Variants in RASSF3 observed in about 807,000 individuals in gnomAD.
The protein encoded by RASSF3 is ras association domain-containing protein 3.
RASSF3 carries 19 observed loss-of-function variants against 19.9 expected under a neutral mutation model. The ratio of observed to expected loss-of-function variants is 0.96; its 90% CI spans 0.67 to 1.40. RASSF3 has a LOEUF of 1.40. RASSF3 is among the 40% of genes most tolerant of loss of function. The pLI, the probability that RASSF3 is intolerant of heterozygous loss-of-function variation, is 0.00. For synonymous variants in RASSF3, 110 were observed against 104.2 expected, an observed-to-expected ratio of 1.06 and a Z score of -0.34; for missense variants, 306 against 289.8, an observed-to-expected ratio of 1.06 and a Z score of -0.41.
chr12:64,652,253 T>G (rs190858528), intron 1 of RASSF3, among the ~76,000 whole-genome samples: 1 of 152,342 alleles, frequency 6.6e-6, no homozygotes, highest in East Asian at 1.9e-4. Context: ...TAATAGATAT[T>G]ATACTTAATT....
chr12:64,657,100 A>G lies in RASSF3; in HGVS notation c.112-27687A>G, dbSNP rs58815475. On this transcript the variant is annotated intron_variant, in intron 1 of 4. Coordinates refer to ENST00000542104, the MANE Select transcript of RASSF3 (RefSeq NM_178169.4). ...TCTTGGCTCACTACAGCCTCCATCA[A>G]CCAGGTTCAAGCGATTTTCTCCTGC... Among the ~76,000 whole-genome samples the G allele has an allele frequency of 7.0e-3, 1,058 of 151,510 alleles. 15 individuals carry two copies. The highest frequency in any genetic ancestry group is 0.025 in the African/African-American group (1,018 of 41,292).
intron 2 of RASSF3, among the ~76,000 whole-genome samples, chr12:64,599,860 G>T (rs375005663): frequency 6.6e-6 from 1 of 151,750 alleles, no homozygotes. Context: ...GTGAAACCCC[G>T]TCTCTACTAA....
At chr12:64,672,920 G>C (rs923445850) in intron 1 of RASSF3, among the ~76,000 whole-genome samples, 2 of 152,196 alleles carry the variant, frequency 1.3e-5, no homozygotes, top group African/African-American at 4.8e-5. Context: ...CTCTGCCCTT[G>C]ATGTTCAGAT....
intron 4 of RASSF3, among the ~76,000 whole-genome samples, chr12:64,692,375 C>G (rs2136225685): frequency 6.6e-6 from 1 of 152,316 alleles, no homozygotes; most frequent in African/African-American, 2.4e-5. Flanking sequence ...GTCTTCTAAT[C>G]TTTTAGCCCT....
upstream of RASSF3, among the ~76,000 whole-genome samples, chr12:64,530,120 C>T (rs1868675486): frequency 6.6e-6 from 1 of 152,144 alleles, no homozygotes; most frequent in Non-Finnish European, 1.5e-5. Context: ...TCCCTCTCAC[C>T]TCTAAGTAAC....
intron 2 of RASSF3, among the ~76,000 whole-genome samples, chr12:64,596,856 A>G (rs547806037): frequency 2.6e-5 from 4 of 152,144 alleles, no homozygotes; most frequent in Admixed American, 1.3e-4. Context: ...CAGCCTCCCA[A>G]GTAGCTGGGA....
chr12:64,534,510 TAATAA>T (rs764867312), intron 1 of RASSF3, among the ~76,000 whole-genome samples: 8 of 152,010 alleles, frequency 5.3e-5, no homozygotes, highest in South Asian at 2.1e-4. Flanking sequence ...TAAAATAGAA[TAATAA>T]AATAAATCAA....
At chr12:64,583,691 T>C (rs555719989) in intron 2 of RASSF3, among the ~76,000 whole-genome samples, 1 of 152,240 alleles carries the variant, frequency 6.6e-6, no homozygotes, top group Non-Finnish European at 1.5e-5. Context: ...CAGGCACACA[T>C]TGCAACCTCT....
At chr12:64,585,663 G>T (rs889511972) in intron 2 of RASSF3, among the ~76,000 whole-genome samples, 2 of 149,056 alleles carry the variant, frequency 1.3e-5, no homozygotes, top group African/African-American at 5.0e-5. Context: ...GCAGTGCAGT[G>T]GCATAATCAC....
upstream of RASSF3, among the ~76,000 whole-genome samples, chr12:64,530,195 GATATA>G (rs1868677290): frequency 6.6e-6 from 1 of 152,088 alleles, no homozygotes; most frequent in African/African-American, 2.4e-5. Flanking sequence ...TAAATGGAAT[GATATA>G]ATATATATTC....
chr12:64,617,099 G>A (rs1870579240), intron 1 of RASSF3, among the ~76,000 whole-genome samples: 1 of 152,180 alleles, frequency 6.6e-6, no homozygotes, highest in Non-Finnish European at 1.5e-5. Flanking sequence ...GGATGTCCCA[G>A]TATTTGGTAC....
intron 1 of RASSF3, among the ~76,000 whole-genome samples, chr12:64,667,672 T>C (rs1190147765): frequency 6.6e-6 from 1 of 152,198 alleles, no homozygotes; most frequent in East Asian, 1.9e-4. Context: ...AGTAAGGTGG[T>C]CTTCAATTCA....
intron 2 of RASSF3, among the ~76,000 whole-genome samples, chr12:64,592,804 T>TTTTTA (rs1380627307): frequency 1.3e-5 from 2 of 152,018 alleles, no homozygotes; most frequent in Non-Finnish European, 2.9e-5. Context: ...GCCTGGCTAA[T>TTTTTA]TTTTATTTTA....
chr12:64,658,675 C>T (rs751842341), intron 1 of RASSF3, among the ~76,000 whole-genome samples: 1 of 152,108 alleles, frequency 6.6e-6, no homozygotes, highest in Non-Finnish European at 1.5e-5. Flanking sequence ...GTGGCATACA[C>T]CTGTAGCCCT....
intron 2 of RASSF3, chr12:64,598,954 T>C (rs1320189541): frequency 7.0e-6 from 1 of 142,634 alleles, no homozygotes; most frequent in East Asian, 2.2e-4. Context: ...GATTTCAAAG[T>C]CAGATATGGT....
At position 64,610,662 on chromosome 12, in the gene RASSF3, G is replaced by C. The variant is rs1870316125; in HGVS notation, c.30G>C (p.Glu10Asp). Residue 10 changes from glutamate (E) to aspartate (D), a missense_variant, in exon 1 of 5, where the codon GAG becomes GAC. Glu to Asp is a conservative substitution (Grantham distance 45, BLOSUM62 2). Coordinates refer to ENST00000542104, the MANE Select transcript of RASSF3 (RefSeq NM_178169.4). Reference sequence around the variant, plus strand: ...GCAGCGGCTACAGCAGCCTGGAGGAGGACGCCGAGGACTTCTTCTTCACCG... The same window carrying C: ...GCAGCGGCTACAGCAGCCTGGAGGACGACGCCGAGGACTTCTTCTTCACCG... MSSGYSSLE[E>D]DAEDFFFTAR... 6.9e-6 allele frequency: 11 copies of C among 1,589,322 alleles called. No individual in the cohort carries two copies. Among genetic ancestry groups the C allele is most frequent in the Non-Finnish European group, 9.4e-6 (11 of 1,170,166 alleles).
rs1456383913 is a variant in RASSF3 at position 64,624,946 on chromosome 12, C to T, written c.111+14203C>T. Among the ~76,000 whole-genome samples, 5 of 151,922 alleles carry T rather than the reference C, an allele frequency of 3.3e-5. 1 individual carries two copies. The highest frequency in any genetic ancestry group is 7.3e-5 in the African/African-American group (3 of 41,366). The stretch of plus-strand genomic sequence containing the variant: ...CCTCCCAAAGTGCTGGGATTACAGG[C>T]GTGAGCCACCGCGCCTGGCCAGCAA... On this transcript the variant is annotated intron_variant, in intron 1 of 4. Transcript: ENST00000542104.
At chr12:64,669,462 CTCT>C (rs1038455075) in intron 1 of RASSF3, among the ~76,000 whole-genome samples, 5 of 152,092 alleles carry the variant, frequency 3.3e-5, no homozygotes, top group African/African-American at 1.2e-4. Context: ...ACTGTGTTGA[CTCT>C]TCTTTTACAG....
chr12:64,668,692 T>TC (rs2136204554), intron 1 of RASSF3, among the ~76,000 whole-genome samples: 1 of 150,592 alleles, frequency 6.6e-6, no homozygotes, highest in South Asian at 2.1e-4. Context: ...TTTTTTTTTT[T>TC]TTTTTTTGAA....
Sources: allele counts gnomAD v4.1 joint callset (sites outside exome capture counted in the v4.1 genomes callset), GRCh38; gene constraint gnomAD v4.1.1; transcripts MANE v1.5; gene names NCBI Gene and HGNC (gene_info 2026-07-23, HGNC 2026-07-21).